Variants in RBFOX1 observed in about 807,000 individuals in gnomAD.
The protein encoded by RBFOX1 is RNA binding fox-1 homolog 1, also known as RNA binding protein fox-1 homolog 1.
In RBFOX1, 8 loss-of-function variants were observed where a neutral mutation model predicts 57.7. That is an observed-to-expected ratio of 0.14 (90% CI 0.08 to 0.25). RBFOX1 has a LOEUF of 0.25. Among genes scored for constraint, RBFOX1 ranks in the 10% least tolerant of loss-of-function variants. The pLI, the probability that RBFOX1 is intolerant of heterozygous loss-of-function variation, is 1.00. For synonymous variants in RBFOX1, 326 were observed against 222.4 expected (o/e 1.47, Z -4.15); for missense variants, 611 against 548.5 (o/e 1.11, Z -1.14).
intron 3 of RBFOX1, among the ~76,000 whole-genome samples, chr16:5,812,431 A>G (rs931671210): frequency 1.3e-5 from 2 of 149,952 alleles, no homozygotes; most frequent in African/African-American, 4.9e-5. Context: ...TCTCACATAC[A>G]CTCACCAACA....
intron 4 of RBFOX1, among the ~76,000 whole-genome samples, chr16:7,224,034 A>G (rs903310756): frequency 5.8e-5 from 8 of 136,754 alleles, no homozygotes; most frequent in African/African-American, 1.4e-4. Flanking sequence ...CATATGTTGT[A>G]TTTATGACCT....
In RBFOX1 at chr16:5,869,549, G is replaced by A. The variant is rs544084520; in HGVS notation, c.351+2214G>A. On this transcript the variant is annotated intron_variant, in intron 4 of 19. Transcript: ENST00000641259. ...CCCAAGTAGCTGGGAGTACAGGTGC[G>A]TGCCACCATGCCTAGCTAGTTTTTG... Among the ~76,000 whole-genome samples the A allele has an allele frequency of 1.6e-4, 25 of 152,142 alleles. No individual in the cohort carries two copies. The East Asian group carries it at 3.7e-3, about 22-fold the overall frequency.
intron 2 of RBFOX1, among the ~76,000 whole-genome samples, chr16:6,579,008 C>G (rs1355580105): frequency 6.6e-6 from 1 of 151,670 alleles, no homozygotes; most frequent in Admixed American, 6.6e-5. Context: ...ATTTATGTAA[C>G]CAAACACCAC....
chr16:6,095,465 G>A (rs1246056370), intron 1 of RBFOX1, among the ~76,000 whole-genome samples: 2 of 152,168 alleles, frequency 1.3e-5, no homozygotes, highest in African/African-American at 4.8e-5. Flanking sequence ...GACAGTCCCA[G>A]CATCTTCTTT....
chr16:5,975,733 A>T (rs1371571664), intron 4 of RBFOX1, among the ~76,000 whole-genome samples: 1 of 152,188 alleles, frequency 6.6e-6, no homozygotes, highest in Non-Finnish European at 1.5e-5. Context: ...TGGGGTTGCA[A>T]TCTAGGTTCT....
intron 4 of RBFOX1, among the ~76,000 whole-genome samples, chr16:6,007,519 A>C (rs1026229053): frequency 6.6e-6 from 1 of 152,168 alleles, no homozygotes; most frequent in African/African-American, 2.4e-5. Context: ...CTTGAACGAG[A>C]GGTACCCAGT....
In RBFOX1 at chr16:5,873,164, AAAC is replaced by A. The variant is rs57510700; in HGVS notation, c.351+5853_351+5855del. ...AGACTCCATCTCAAAACAAAGAAAC[AAAC>A]AACAACAACAACAACAACAACAAAA... On this transcript the variant is annotated intron_variant, in intron 4 of 19. Coordinates refer to the RBFOX1 transcript ENST00000641259. 1.5e-3 allele frequency among the ~76,000 whole-genome samples: 233 copies of A among 151,630 alleles called. 1 individual carries two copies. Among genetic ancestry groups the A allele is most frequent in the Middle Eastern group, 6.8e-3 (2 of 294 alleles).
intron 3 of RBFOX1, among the ~76,000 whole-genome samples, chr16:6,872,850 A>G (rs1393730586): frequency 6.6e-6 from 1 of 152,230 alleles, no homozygotes; most frequent in Non-Finnish European, 1.5e-5. Context: ...AGTTAACAGA[A>G]TATAACAATT....
At chr16:7,416,308 C>T (rs140475940) in intron 4 of RBFOX1, among the ~76,000 whole-genome samples, 1 of 152,188 alleles carries the variant, frequency 6.6e-6, no homozygotes, top group African/African-American at 2.4e-5. Flanking sequence ...AGACTCTGAG[C>T]TTACGGACAA....
intron 3 of RBFOX1, among the ~76,000 whole-genome samples, chr16:6,808,170 GT>G (rs2087406836): frequency 7.0e-6 from 1 of 142,138 alleles, no homozygotes; most frequent in African/African-American, 3.0e-5. Flanking sequence ...ATGTGTGTGT[GT>G]GTGTGTGTAT....
Position 6,430,666 on chromosome 16 carries a change from T to A in RBFOX1, c.-64+113609T>A, listed in dbSNP as rs867747407. Among the ~76,000 whole-genome samples, 7 of 151,872 alleles carry A rather than the reference T, an allele frequency of 4.6e-5. No homozygotes were observed. The South Asian group carries it at 1.0e-3, about 23-fold the overall frequency. On this transcript the variant is annotated intron_variant, in intron 2 of 15. Coordinates refer to ENST00000550418, the MANE Select transcript of RBFOX1 (RefSeq NM_018723.4). Reference sequence around the variant, plus strand: ...CAAGCCAGATGGGGGAGCGGGATGGTCACATAGGCTTTGAATGCTGTGATG... The same window carrying A: ...CAAGCCAGATGGGGGAGCGGGATGGACACATAGGCTTTGAATGCTGTGATG...
chr16:6,981,744 C>G (rs1280129737), intron 3 of RBFOX1, among the ~76,000 whole-genome samples: 1 of 152,104 alleles, frequency 6.6e-6, no homozygotes, highest in African/African-American at 2.4e-5. Context: ...GACCAGCCCT[C>G]ATGATTCAAT....
chr16:5,442,389 C>T (rs2068111649), intron 1 of RBFOX1, among the ~76,000 whole-genome samples: 1 of 152,292 alleles, frequency 6.6e-6, no homozygotes, highest in Admixed American at 6.5e-5. Flanking sequence ...AGTTGAAGGA[C>T]TGGAAGCTCA....
chr16:5,681,391 T>TTC (rs1555500307), intron 3 of RBFOX1, among the ~76,000 whole-genome samples: 19 of 137,768 alleles, frequency 1.4e-4, no homozygotes, highest in Middle Eastern at 3.6e-3. Flanking sequence ...GCTTTTTTCT[T>TTC]TTTTTTTTTT....
At chr16:6,789,682 A>G (rs571027774) in intron 3 of RBFOX1, among the ~76,000 whole-genome samples, 1 of 151,976 alleles carries the variant, frequency 6.6e-6, no homozygotes, top group African/African-American at 2.4e-5. Context: ...GCCCATTTTC[A>G]TCCTTTTCTT....
intron 2 of RBFOX1, among the ~76,000 whole-genome samples, chr16:6,391,146 C>T (rs1417232804): frequency 6.6e-6 from 1 of 152,138 alleles, no homozygotes; most frequent in East Asian, 1.9e-4. Context: ...CTGAAATTGG[C>T]CTTGCCTGCA....
chr16:7,043,450 A>G (rs1371928468), intron 3 of RBFOX1, among the ~76,000 whole-genome samples: 1 of 152,206 alleles, frequency 6.6e-6, no homozygotes, highest in South Asian at 2.1e-4. Flanking sequence ...CCTGAAATGC[A>G]TCAAGGAAAA....
chr16:5,349,185 A>G (rs1289525560), intron 1 of RBFOX1, among the ~76,000 whole-genome samples: 1 of 152,240 alleles, frequency 6.6e-6, no homozygotes, highest in Admixed American at 6.5e-5. Context: ...AAGTAAACCA[A>G]TCACCGAAGT....
At chr16:7,585,871 C>G (rs929577901) in intron 6 of RBFOX1, among the ~76,000 whole-genome samples, 28 of 152,144 alleles carry the variant, frequency 1.8e-4, no homozygotes, top group Admixed American at 5.2e-4. Context: ...CAAACCTCCC[C>G]TGCTTCTTGT....
Sources: allele counts gnomAD v4.1 joint callset (sites outside exome capture counted in the v4.1 genomes callset), GRCh38; gene constraint gnomAD v4.1.1; transcripts MANE v1.5; gene names NCBI Gene and HGNC (gene_info 2026-07-23, HGNC 2026-07-21).